Variants in LCLAT1 observed in about 807,000 individuals in gnomAD.
LCLAT1 encodes lysocardiolipin acyltransferase 1, also known as 1-AGP acyltransferase 8.
LCLAT1 carries 11 observed loss-of-function variants against 30.7 expected under a neutral mutation model. That is an observed-to-expected ratio of 0.36 (90% CI 0.23 to 0.59). The LOEUF (loss-of-function observed/expected upper bound fraction) is 0.59. Ranked by LOEUF, LCLAT1 falls within the 20% of genes least tolerant of loss-of-function variation. The pLI is 0.77. For missense variants in LCLAT1, 402 were observed against 458.6 expected, an observed-to-expected ratio of 0.88 and a Z score of 1.13; for synonymous variants, 155 against 151.3, an observed-to-expected ratio of 1.02 and a Z score of -0.18.
chr2:30,597,304 CCT>C (rs1465934977), intron 5 of LCLAT1, among the ~76,000 whole-genome samples: 1 of 151,898 alleles, frequency 6.6e-6, no homozygotes, highest in Non-Finnish European at 1.5e-5. Flanking sequence ...TTGTTTGTGT[CCT>C]CTCTGATTTC....
intron 3 of LCLAT1, among the ~76,000 whole-genome samples, chr2:30,546,309 A>G (rs1433670651): frequency 1.3e-5 from 2 of 152,150 alleles, no homozygotes; most frequent in East Asian, 3.8e-4. Flanking sequence ...ATATTAAATA[A>G]TTTTTTTAGT....
intron 5 of LCLAT1, among the ~76,000 whole-genome samples, chr2:30,596,340 G>C (rs1235893117): frequency 6.6e-6 from 1 of 152,052 alleles, no homozygotes; most frequent in African/African-American, 2.4e-5. Context: ...CATTTGGACT[G>C]GTGTGAGATG....
At chr2:30,605,974 C>G in intron 5 of LCLAT1, 1 of 1,267,784 alleles carries the variant, frequency 7.9e-7, no homozygotes, top group South Asian at 1.4e-5. Flanking sequence ...TTCTTGCTAC[C>G]ATGAGAATCT....
At chr2:30,554,972 TAAAG>T (rs144656390) in intron 3 of LCLAT1, among the ~76,000 whole-genome samples, 19,182 of 152,020 alleles carry the variant, frequency 0.13, 1,330 homozygotes, top group South Asian at 0.23. Flanking sequence ...TTTTCTATAT[TAAAG>T]AAAGATTCAA....
intron 3 of LCLAT1, among the ~76,000 whole-genome samples, chr2:30,535,629 A>G (rs751751898): frequency 1.6e-4 from 24 of 152,214 alleles, no homozygotes; most frequent in African/African-American, 3.6e-4. Context: ...ACCCTACCCA[A>G]CTGAGACTGT....
chr2:30,603,607 A>G (rs1453096355), intron 5 of LCLAT1, among the ~76,000 whole-genome samples: 1 of 152,184 alleles, frequency 6.6e-6, no homozygotes, highest in Non-Finnish European at 1.5e-5. Context: ...GAACTGTTGA[A>G]GGATGTATTG....
At chr2:30,491,894 A>T (rs1683851443) in intron 1 of LCLAT1, among the ~76,000 whole-genome samples, 1 of 152,230 alleles carries the variant, frequency 6.6e-6, no homozygotes, top group Non-Finnish European at 1.5e-5. Flanking sequence ...AAAAGGGAAT[A>T]TAGGAATTTG....
At chr2:30,525,475 A>C in intron 1 of LCLAT1, 112 bp from the exon 2 acceptor site, 1 of 803,804 alleles carries the variant, frequency 1.2e-6, no homozygotes, top group African/African-American at 1.7e-5. Context: ...TGTTTCTTAG[A>C]GCCTTTCTGT....
intron 2 of LCLAT1, 60 bp downstream of exon 2, chr2:30,525,815 G>T: frequency 2.1e-6 from 3 of 1,439,724 alleles, no homozygotes; most frequent in Non-Finnish European, 2.9e-6. Flanking sequence ...ACCCCTGATA[G>T]ATACCTAAAT....
rs369436636 is a variant in LCLAT1 at position 30,451,229 on chromosome 2, G to A, written c.-5+3846G>A. The stretch of plus-strand genomic sequence containing the variant: ...GATGGACAGTGCCGGTGTTGACAAG[G>A]GTGTAGACCAACTGGATCTCTTACA... On this transcript the variant is annotated intron_variant, in intron 1 of 5. Transcript: ENST00000379509. Among the ~76,000 whole-genome samples the A allele has an allele frequency of 7.9e-5, 12 of 152,256 alleles. No homozygotes were observed. The South Asian group carries it at 2.5e-3, about 32-fold the overall frequency.
At chr2:30,509,029 A>C (rs1276850104) in intron 1 of LCLAT1, among the ~76,000 whole-genome samples, 2 of 152,110 alleles carry the variant, frequency 1.3e-5, no homozygotes, top group Non-Finnish European at 2.9e-5. Context: ...TTTTTGTGGC[A>C]ATTGTGAATG....
chr2:30,483,643 C>A (rs1300887565), intron 1 of LCLAT1, among the ~76,000 whole-genome samples: 2 of 152,032 alleles, frequency 1.3e-5, no homozygotes, highest in Admixed American at 6.6e-5. Flanking sequence ...TTAATGTCTG[C>A]ATAAGCAAAC....
intron 3 of LCLAT1, among the ~76,000 whole-genome samples, chr2:30,558,111 C>G (rs889640148): frequency 6.6e-6 from 1 of 152,042 alleles, no homozygotes; most frequent in African/African-American, 2.4e-5. Context: ...AAGCGGGACA[C>G]AGAAAACACA....
chr2:30,561,029 C>A (rs1390872888), intron 3 of LCLAT1, among the ~76,000 whole-genome samples: 2 of 22,828 alleles, frequency 8.8e-5, no homozygotes, highest in African/African-American at 2.1e-4. Flanking sequence ...GCAACCTCTG[C>A]CCCCCGGGTT....
At chr2:30,575,638 A>G (rs1665963893) in intron 5 of LCLAT1, among the ~76,000 whole-genome samples, 1 of 152,176 alleles carries the variant, frequency 6.6e-6, no homozygotes, top group Non-Finnish European at 1.5e-5. Context: ...CCGGAGGATA[A>G]AAGAGTACAT....
intron 1 of LCLAT1, among the ~76,000 whole-genome samples, chr2:30,484,315 A>G (rs1395707503): frequency 2.0e-5 from 3 of 152,306 alleles, no homozygotes; most frequent in African/African-American, 7.2e-5. Flanking sequence ...TAAAAATATT[A>G]TAAGTATTGA....
At chr2:30,458,704 G>C (rs1681955258) in intron 1 of LCLAT1, among the ~76,000 whole-genome samples, 1 of 152,168 alleles carries the variant, frequency 6.6e-6, no homozygotes, top group South Asian at 2.1e-4. Context: ...AGGATACTCA[G>C]AAACTGAGAA....
rs189265185 is a variant in LCLAT1, at chr2:30,573,172, C to G, written c.628+4996C>G. ...TGGGAGTCATTGTTGGCCCGCCCCCCTCTGCTTTTCACATGCTGTGAAATC... is the reference window on the plus strand; with the variant it reads ...TGGGAGTCATTGTTGGCCCGCCCCCGTCTGCTTTTCACATGCTGTGAAATC... On this transcript the variant is annotated intron_variant, in intron 5 of 5. Transcript: ENST00000379509. Among the ~76,000 whole-genome samples, 94 of 152,346 alleles carry G rather than the reference C, an allele frequency of 6.2e-4. 1 individual carries two copies. In the East Asian group the frequency reaches 0.017, roughly 27 times the overall value.
intron 1 of LCLAT1, among the ~76,000 whole-genome samples, chr2:30,487,378 T>A (rs1334174322): frequency 2.0e-5 from 3 of 152,194 alleles, no homozygotes; most frequent in Non-Finnish European, 2.9e-5. Flanking sequence ...ATCCGTAATT[T>A]AATAAATTGA....
Sources: gnomAD v4.1 joint callset for allele counts (sites outside exome capture counted in the v4.1 genomes callset) on GRCh38, gnomAD v4.1.1 for gene constraint, MANE v1.5 for transcripts, NCBI Gene and HGNC (gene_info 2026-07-23, HGNC 2026-07-21) for gene names.